Variants in IQCH observed in about 807,000 individuals in gnomAD.
IQCH encodes IQ motif containing H.
IQCH carries 98 observed loss-of-function variants against 117.0 expected under a neutral mutation model. That is an observed-to-expected ratio of 0.84 (90% CI 0.71 to 0.99). IQCH has a LOEUF of 0.99. IQCH is among the 50% of genes least tolerant of loss of function. The pLI is 0.00. For synonymous variants in IQCH, 412 were observed against 448.2 expected, an observed-to-expected ratio of 0.92 and a Z score of 1.02; for missense variants, 1,102 against 1,243.8, an observed-to-expected ratio of 0.89 and a Z score of 1.72.
chr15:67,287,953 C>A (rs1006742819), intron 4 of IQCH, among the ~76,000 whole-genome samples: 4 of 151,928 alleles, frequency 2.6e-5, no homozygotes, highest in African/African-American at 9.7e-5. Context: ...TTTCTATTAT[C>A]TTTTGTTTCA....
intron 4 of IQCH, among the ~76,000 whole-genome samples, chr15:67,324,118 A>G (rs1968282425): frequency 6.6e-6 from 1 of 150,900 alleles, no homozygotes; most frequent in Non-Finnish European, 1.5e-5. Flanking sequence ...TAATTTTTGT[A>G]TTTTTAGTAG....
Position 67,436,153 on chromosome 15 carries a change from G to A in IQCH, c.2505+14576G>A, listed in dbSNP as rs1459727958. On this transcript the variant is annotated intron_variant, in intron 16 of 20. Transcript: ENST00000335894. The surrounding 1 kb of genome is among the most constrained non-coding windows in gnomAD (Gnocchi z 5.1). ...CTCTCCAGAACACACAAGCTTGATG[G>A]CTCCATATTCAATAAATGTATTATC... Among the ~76,000 whole-genome samples the A allele has an allele frequency of 6.6e-6, 1 of 151,966 alleles. No homozygotes were observed. Among genetic ancestry groups the A allele is most frequent in the Non-Finnish European group, 1.5e-5 (1 of 67,996 alleles).
rs1451932342 is a variant in IQCH at position 67,459,799 on chromosome 15, C to T, written c.2506-5328C>T. 2.0e-5 allele frequency: 3 copies of T among 152,306 alleles called. No individual in the cohort carries two copies. Among genetic ancestry groups the T allele is most frequent in the Admixed American group, 2.0e-4 (3 of 15,288 alleles). 9.4% of individuals were successfully genotyped at this position (152,306 alleles called of 1,614,324 possible). On this transcript the variant is annotated intron_variant, in intron 16 of 20. Coordinates refer to ENST00000335894, the MANE Select transcript of IQCH (RefSeq NM_001031715.3). This position sits in a 1 kb window ranked among gnomAD's most constrained non-coding sequence, Gnocchi z 4.2. ...TGTAGCACTTCTGCCCTCTCCACCC[C>T]ACTGGCCCTGCTCCTTTGCAGGCTA...
At position 67,500,389 on chromosome 15, in the gene IQCH, C is replaced by G. The variant is rs1362323501; in HGVS notation, c.2971-244C>G. On this transcript the variant is annotated intron_variant, in intron 20 of 20. Transcript: ENST00000335894. The surrounding 1 kb of genome is among the most constrained non-coding windows in gnomAD (Gnocchi z 4.4). ...AAATTAAAGATGTACAATTTAGAAG[C>G]CCAATGTTATTATTAGACATAATAG... Among the ~76,000 whole-genome samples, 2 of 151,996 alleles carry G rather than the reference C, an allele frequency of 1.3e-5. No individual in the cohort carries two copies. The highest frequency in any genetic ancestry group is 4.8e-5 in the African/African-American group (2 of 41,378).
rs139277717 is a variant in IQCH, at chr15:67,265,388, C to G, written c.269+2172C>G. Among the ~76,000 whole-genome samples the G allele has an allele frequency of 2.5e-3, 385 of 152,266 alleles. 4 individuals carry two copies. Among genetic ancestry groups the G allele is most frequent in the East Asian group, 0.011 (59 of 5,180 alleles). On this transcript the variant is annotated intron_variant, in intron 3 of 20. Coordinates refer to ENST00000335894, the MANE Select transcript of IQCH (RefSeq NM_001031715.3). ...GTACTTGGATCATATCTTTCCTATT[C>G]AGTACAGTAGTATAATCATTGGCCT...
rs1971236620 is a variant in IQCH at position 67,390,106 on chromosome 15, G to A, written c.1632+1100G>A. On this transcript the variant is annotated intron_variant, in intron 12 of 20. Coordinates refer to ENST00000335894, the MANE Select transcript of IQCH (RefSeq NM_001031715.3). The surrounding 1 kb of genome is among the most constrained non-coding windows in gnomAD (Gnocchi z 5.0). Reference sequence around the variant, plus strand: ...GGCACTTCTGACTGTGAAAGAGGAAGGTAAGGACAGGGGCTGGGGAAGCAA... The same window carrying A: ...GGCACTTCTGACTGTGAAAGAGGAAAGTAAGGACAGGGGCTGGGGAAGCAA... Among the ~76,000 whole-genome samples, 4 of 152,194 alleles carry A rather than the reference G, an allele frequency of 2.6e-5. No individual in the cohort carries two copies. The South Asian group carries it at 8.3e-4, about 32-fold the overall frequency.
chr15:67,315,203 G>A (rs973306026), intron 4 of IQCH, among the ~76,000 whole-genome samples: 1 of 152,170 alleles, frequency 6.6e-6, no homozygotes, highest in Non-Finnish European at 1.5e-5. Flanking sequence ...CTGATCTGAT[G>A]AGCATATTTT....
chr15:67,421,246 C>A (rs376981778), intron 15 of IQCH, 45 bp from the exon 16 acceptor site: 379 of 1,543,230 alleles, frequency 2.5e-4, no homozygotes, highest in Middle Eastern at 5.1e-4. Flanking sequence ...CCAAGTCAAA[C>A]AAAATGCATG....
chr15:67,375,864 G>A (rs1319829804), intron 10 of IQCH, among the ~76,000 whole-genome samples: 2 of 147,374 alleles, frequency 1.4e-5, no homozygotes, highest in African/African-American at 2.5e-5. Flanking sequence ...TCGGCTCAGT[G>A]CATTCTCCGC....
chr15:67,478,245 C>T (rs1596468705), intron 18 of IQCH, among the ~76,000 whole-genome samples: 1 of 151,874 alleles, frequency 6.6e-6, no homozygotes, highest in Admixed American at 6.6e-5. Context: ...ATTAGCTGGG[C>T]GTGGTGGCAT....
Position 67,490,819 on chromosome 15 carries a change from G to A in IQCH, c.2861+755G>A, listed in dbSNP as rs554026092. Among the ~76,000 whole-genome samples, 7 of 152,288 alleles carry A rather than the reference G, an allele frequency of 4.6e-5. No homozygotes were observed. In the South Asian group the frequency reaches 1.2e-3, roughly 27 times the overall value. On this transcript the variant is annotated intron_variant, in intron 19 of 20. Coordinates refer to ENST00000335894, the MANE Select transcript of IQCH (RefSeq NM_001031715.3). The surrounding 1 kb of genome is among the most constrained non-coding windows in gnomAD (Gnocchi z 4.9). ...CCCGGGCGCAGTCTTCTCAAGGTACGCATGCACTGAGCACAGGCTGCTGGC... is the reference window on the plus strand; with the variant it reads ...CCCGGGCGCAGTCTTCTCAAGGTACACATGCACTGAGCACAGGCTGCTGGC...
rs1971729125 is a variant in IQCH at position 67,403,023 on chromosome 15, G to T, written c.2097+2718G>T. 6.6e-6 allele frequency among the ~76,000 whole-genome samples: 1 copy of T among 152,170 alleles called. No homozygotes were observed. The highest frequency in any genetic ancestry group is 6.5e-5 in the Admixed American group (1 of 15,272). On this transcript the variant is annotated intron_variant, in intron 14 of 20. Transcript: ENST00000335894. This position sits in a 1 kb window ranked among gnomAD's most constrained non-coding sequence, Gnocchi z 4.8. ...AGCACTCTGGGAGGCCAAGGCGGGT[G>T]AATCACCTGAGGTCAGGAGTTCCAG...
intron 8 of IQCH, chr15:67,371,432 G>A: frequency 7.0e-7 from 1 of 1,427,806 alleles, no homozygotes; most frequent in South Asian, 1.7e-5. Context: ...TATCAGATTT[G>A]TGATCCTAAT....
intron 4 of IQCH, among the ~76,000 whole-genome samples, chr15:67,329,060 AGGC>A (rs1485667230): frequency 1.3e-5 from 2 of 152,172 alleles, no homozygotes; most frequent in African/African-American, 4.8e-5. Context: ...GCACTTTGGA[AGGC>A]TGAGATGGGA....
In IQCH at chr15:67,381,090, G is replaced by A. The variant is rs1285432903; in HGVS notation, c.1373-3846G>A. On this transcript the variant is annotated intron_variant, in intron 10 of 20. Transcript: ENST00000335894. The surrounding 1 kb of genome is among the most constrained non-coding windows in gnomAD (Gnocchi z 5.1). ...TCACAGAGACATGCACCAGTGCCAA[G>A]GGGGCTCAGTCACTCAGTGTGGCCT... 6.6e-6 allele frequency among the ~76,000 whole-genome samples: 1 copy of A among 152,234 alleles called. No individual in the cohort carries two copies. Among genetic ancestry groups the A allele is most frequent in the Admixed American group, 6.5e-5 (1 of 15,284 alleles).
At chr15:67,418,648 G>A (rs1472430810) in intron 15 of IQCH, among the ~76,000 whole-genome samples, 4 of 144,172 alleles carry the variant, frequency 2.8e-5, no homozygotes, top group East Asian at 2.0e-4. Flanking sequence ...GTGCGATCTC[G>A]GCTCACTGCA....
chr15:67,307,241 T>G (rs1967344492), intron 4 of IQCH: 3 of 731,022 alleles, frequency 4.1e-6, no homozygotes, highest in Non-Finnish European at 3.4e-6. Context: ...ATCTTTTATT[T>G]ATTCATGAGG....
chr15:67,439,171 C>A (rs1035359288), intron 16 of IQCH, among the ~76,000 whole-genome samples: 4 of 152,182 alleles, frequency 2.6e-5, no homozygotes, highest in Non-Finnish European at 5.9e-5. Context: ...AAACGAGCCT[C>A]AATCAGTTTA....
intron 4 of IQCH, among the ~76,000 whole-genome samples, chr15:67,291,530 A>G (rs990705214): frequency 6.6e-6 from 1 of 152,214 alleles, no homozygotes; most frequent in African/African-American, 2.4e-5. Context: ...TTTGTATCTA[A>G]CCTGGAAAGA....
Sources: gnomAD v4.1 joint callset for allele counts (sites outside exome capture counted in the v4.1 genomes callset) on GRCh38, gnomAD v4.1.1 for gene constraint, Gnocchi (gnomAD v3.1) non-coding constraint, MANE v1.5 for transcripts, NCBI Gene and HGNC (gene_info 2026-07-23, HGNC 2026-07-21) for gene names.